C2orf76: variants seen among roughly 807,000 people sequenced by gnomAD.
C2orf76 encodes the protein chromosome 2 open reading frame 76.
C2orf76 carries 23 observed loss-of-function variants against 16.9 expected under a neutral mutation model. The ratio of observed to expected loss-of-function variants is 1.36; its 90% CI spans 0.98 to 1.93. The LOEUF (loss-of-function observed/expected upper bound fraction) is 1.93, where lower values mean the gene tolerates loss of function less well. C2orf76 is among the 30% of genes most tolerant of loss of function. The pLI, the probability that C2orf76 is intolerant of heterozygous loss-of-function variation, is 0.00. For synonymous variants in C2orf76, 48 were observed against 52.3 expected, an observed-to-expected ratio of 0.92 and a Z score of 0.35; for missense variants, 152 against 152.6, an observed-to-expected ratio of 1.00 and a Z score of 0.02.
intron 4 of C2orf76, among the ~76,000 whole-genome samples, chr2:119,316,811 A>C (rs1679187091): frequency 6.6e-6 from 1 of 152,216 alleles, no homozygotes; most frequent in South Asian, 2.1e-4. Flanking sequence ...GCCAGAGATT[A>C]AAGAAAAAAA....
upstream of C2orf76, chr2:119,366,940 T>C: frequency 6.6e-6 from 9 of 1,365,594 alleles, no homozygotes; most frequent in Non-Finnish European, 9.3e-6. Context: ...CCGAGCAGGG[T>C]TGGGGCGAGT....
chr2:119,309,714 C>T (rs548218950), intron 5 of C2orf76, among the ~76,000 whole-genome samples: 11 of 152,308 alleles, frequency 7.2e-5, no homozygotes, highest in African/African-American at 2.6e-4. Flanking sequence ...AGCCACCATG[C>T]CCGACCCCAG....
chr2:119,345,645 A>G (rs1680172872), intron 1 of C2orf76, among the ~76,000 whole-genome samples: 2 of 152,246 alleles, frequency 1.3e-5, no homozygotes, highest in Non-Finnish European at 2.9e-5. Flanking sequence ...GAGGGTTGGT[A>G]GAAATAAGAA....
chr2:119,314,750 T>G (rs62156986), intron 4 of C2orf76, among the ~76,000 whole-genome samples: 8,175 of 152,308 alleles, frequency 0.054, 316 homozygotes, highest in Non-Finnish European at 0.082. Context: ...AAGTATTGTA[T>G]TTTATTGGGG....
chr2:119,354,261 G>C (rs1296084384), intron 1 of C2orf76, among the ~76,000 whole-genome samples: 1 of 152,150 alleles, frequency 6.6e-6, no homozygotes, highest in Non-Finnish European at 1.5e-5. Flanking sequence ...TGTAATCCCA[G>C]CACTTTGAGA....
chr2:119,320,515 G>A (rs116323150), intron 3 of C2orf76, among the ~76,000 whole-genome samples: 102 of 151,962 alleles, frequency 6.7e-4, no homozygotes, highest in African/African-American at 2.2e-3. Flanking sequence ...TACACACGGC[G>A]AAGATTGTGA....
In C2orf76 at chr2:119,344,125, A is replaced by G. The variant is rs548974623; in HGVS notation, c.-12-4154T>C. 2.3e-3 allele frequency among the ~76,000 whole-genome samples: 350 copies of G among 152,364 alleles called. 1 individual carries two copies. Among genetic ancestry groups the G allele is most frequent in the African/African-American group, 7.6e-3 (314 of 41,580 alleles). ...CATTTAAAACCCCAAAATTTGTGTT[A>G]TATCTAATTTTGGACAACTATTGTC... On this transcript the variant is annotated intron_variant, in intron 1 of 5. Coordinates refer to ENST00000334816, the MANE Select transcript of C2orf76 (RefSeq NM_001322331.2).
chr2:119,305,947 A>C lies in C2orf76; in HGVS notation c.305-3399T>G, dbSNP rs867191248. On this transcript the variant is annotated intron_variant, in intron 5 of 5. Coordinates refer to ENST00000334816, the MANE Select transcript of C2orf76 (RefSeq NM_001322331.2). ...GCCAAAAAAAAAAACAACAACAAAA[A>C]AAAAAAAAAACAAAAAAAACCTCGG... 1.7e-3 allele frequency among the ~76,000 whole-genome samples: 257 copies of C among 147,752 alleles called. 4 individuals are homozygous for C. The highest frequency in any genetic ancestry group is 4.7e-3 in the African/African-American group (193 of 40,786).
chr2:119,364,017 C>CAA (rs932006086), intron 1 of C2orf76, among the ~76,000 whole-genome samples: 2 of 138,626 alleles, frequency 1.4e-5, no homozygotes, highest in African/African-American at 5.4e-5. Flanking sequence ...GACCCTGTCT[C>CAA]AAAAAAATAG....
In C2orf76 at chr2:119,366,365, G is replaced by T. The variant is rs562381980; in HGVS notation, c.-13+425C>A. 1.2e-3 allele frequency: 566 copies of T among 465,782 alleles called. 2 individuals carry two copies. The highest frequency in any genetic ancestry group is 2.2e-3 in the Non-Finnish European group (502 of 224,898). The allele number at this position is 465,782 out of a possible 1,614,324, so 28.9% of individuals were successfully genotyped here. ...CCCTGCCTTTAACGCACCAGATGGA[G>T]AAATGCACCACAGACATAAATGTGC... is the stretch of plus-strand genomic sequence containing the variant. On this transcript the variant is annotated intron_variant, in intron 1 of 5. Transcript: ENST00000334816.
At chr2:119,301,601 A>G (rs372798180), downstream of C2orf76, among the ~76,000 whole-genome samples, 332 of 152,182 alleles carry the variant, frequency 2.2e-3, 1 homozygote, top group South Asian at 0.012. Context: ...TGGCAGAGCT[A>G]GCTAAGCTCT....
At chr2:119,306,382 AC>A (rs1235120941) in intron 5 of C2orf76, among the ~76,000 whole-genome samples, 1 of 152,198 alleles carries the variant, frequency 6.6e-6, no homozygotes, top group Non-Finnish European at 1.5e-5. Context: ...CAGAAGTGAC[AC>A]GCAAAATGAA....
At chr2:119,351,379 A>G (rs1053536824) in intron 1 of C2orf76, among the ~76,000 whole-genome samples, 1 of 152,184 alleles carries the variant, frequency 6.6e-6, no homozygotes, top group Non-Finnish European at 1.5e-5. Context: ...CACCAACAGA[A>G]AAGCATTAAA....
At chr2:119,304,755 A>C (rs1426196264) in intron 5 of C2orf76, among the ~76,000 whole-genome samples, 2 of 152,236 alleles carry the variant, frequency 1.3e-5, no homozygotes, top group Non-Finnish European at 2.9e-5. Context: ...GGTCCTTAAG[A>C]AGAAGTAGAA....
the C2orf76 span, among the ~76,000 whole-genome samples, chr2:119,285,362 G>C: frequency 1.3e-5 from 2 of 152,106 alleles, no homozygotes; most frequent in Non-Finnish European, 2.9e-5. Flanking sequence ...CCTTCATCAG[G>C]GTCACGTAAC....
rs559667196 is a variant in C2orf76, at chr2:119,339,664, C to G, written c.133+163G>C. 1.3e-4 allele frequency among the ~76,000 whole-genome samples: 20 copies of G among 152,274 alleles called. No homozygotes were observed. The East Asian group carries it at 3.3e-3, about 25-fold the overall frequency. ...AGTGAGAATCCTTGAGGGAGGCCCTCTGCAGATGCCAGGGCCCAGAACCGG... is the reference window on the plus strand; with the variant it reads ...AGTGAGAATCCTTGAGGGAGGCCCTGTGCAGATGCCAGGGCCCAGAACCGG... On this transcript the variant is annotated intron_variant, in intron 2 of 5. Transcript: ENST00000334816.
intron 4 of C2orf76, among the ~76,000 whole-genome samples, chr2:119,315,429 T>C (rs868372666): frequency 1.4e-4 from 21 of 152,056 alleles, no homozygotes; most frequent in Non-Finnish European, 3.1e-4. Flanking sequence ...TACAGCTGAG[T>C]TGGAACACTA....
chr2:119,316,157 T>C (rs1679166400), intron 4 of C2orf76, among the ~76,000 whole-genome samples: 1 of 152,234 alleles, frequency 6.6e-6, no homozygotes, highest in African/African-American at 2.4e-5. Context: ...GAACATTACC[T>C]ATTCTCTACA....
intron 5 of C2orf76, among the ~76,000 whole-genome samples, chr2:119,304,331 A>T (rs966912275): frequency 6.6e-6 from 1 of 152,220 alleles, no homozygotes; most frequent in African/African-American, 2.4e-5. Context: ...GTCCACGCTA[A>T]CTGTAATTAC....
Sources: gnomAD v4.1 joint callset for allele counts (sites outside exome capture counted in the v4.1 genomes callset) on GRCh38, gnomAD v4.1.1 for gene constraint, MANE v1.5 for transcripts, NCBI Gene and HGNC (gene_info 2026-07-23, HGNC 2026-07-21) for gene names.